ZNF418: variants seen among roughly 807,000 people sequenced by gnomAD.
ZNF418 encodes the protein zinc finger protein 418.
In ZNF418, 32 loss-of-function variants were observed where a neutral mutation model predicts 32.0. That is an observed-to-expected ratio of 1.00 (90% confidence interval 0.75 to 1.34). The LOEUF is 1.34. Among genes scored for constraint, ZNF418 ranks in the 40% most tolerant of loss-of-function variants. The pLI, the probability that ZNF418 is intolerant of heterozygous loss-of-function variation, is 0.00. For synonymous variants in ZNF418, 276 were observed against 270.7 expected (o/e 1.02, Z -0.19); for missense variants, 804 against 812.5 (o/e 0.99, Z 0.13).
chr19:57,930,497 G>A lies in ZNF418; in HGVS notation c.64C>T (p.Leu22Phe). The A allele has an allele frequency of 6.2e-7, 1 of 1,614,116 alleles. No homozygotes were observed. The highest frequency in any genetic ancestry group is 8.5e-7 in the Non-Finnish European group (1 of 1,180,022). Reference protein sequence around the residue: ...VNFSQEEWSLLSEVQRCLYHD... With the variant: ...VNFSQEEWSLFSEVQRCLYHD... ...TAAAGGCATCTCTGAACCTCACTAA[G>A]GAGACTCCACTCCTCCTGGGAAAAG... is the stretch of plus-strand genomic sequence containing the variant. Residue 22 changes from leucine (L) to phenylalanine (F), a missense_variant, in exon 3 of 6, where the codon CTT becomes TTT. Leu to Phe is a conservative substitution (Grantham distance 22). This residue lies in a region of ZNF418 where 307 missense variants were observed against 304.9 expected (regional missense o/e 1.01). Transcript: ENST00000396147.
chr19:57,935,057 G>A, intron 1 of ZNF418, 104 bp downstream of exon 1: 1 of 1,348,498 alleles, frequency 7.4e-7, no homozygotes, highest in Non-Finnish European at 9.6e-7. Context: ...TCAGTGTCCC[G>A]ACGCCGGGTC....
Position 57,925,923 on chromosome 19 carries a change from C to G in ZNF418, c.*227G>C, listed in dbSNP as rs2072198144. On this transcript the variant is annotated 3_prime_UTR_variant, in exon 4 of 6. Coordinates refer to ENST00000396147, the MANE Select transcript of ZNF418 (RefSeq NM_133460.3). ...TTTCCTGTACGTGTACAGTGTTTTC[C>G]TTATGAGAACAATCTGTTATCCAAT... The G allele has an allele frequency of 3.7e-6, 2 of 547,558 alleles. No homozygotes were observed. The highest frequency in any genetic ancestry group is 5.4e-5 in the South Asian group (2 of 37,284). 33.9% of individuals were successfully genotyped at this position (547,558 alleles called of 1,614,324 possible). A position where few individuals can be genotyped will look rare whatever the true frequency, so the allele number is the denominator to read the frequency against.
rs760193245 is a variant in ZNF418 at position 57,927,569 on chromosome 19, G to A, written c.612C>T (p.Ser204=). 6.2e-7 allele frequency: 1 copy of A among 1,614,112 alleles called. No homozygotes were observed. The highest frequency in any genetic ancestry group is 8.5e-7 in the Non-Finnish European group (1 of 1,180,052). The part of the protein sequence containing the change: ...SPFQWGDTHY[S]CGECMKHSST... ...TAGAATGTTTCATGCATTCTCCACA[G>A]CTGTAATGAGTATCTCCCCACTGAA... The change falls in exon 4 of 6, where the codon AGC becomes AGT. Residue 204 remains serine, a synonymous_variant. Transcript: ENST00000396147.
chr19:57,928,000 T>A lies in ZNF418; in HGVS notation c.181A>T (p.Ile61Phe). ...ACCTGAGACACTCTTTGTATAGAAA[T>A]GCTCTTCTTAGAAGGTGCCTCCTCA... ...EDEEAPSKKS[I>F]SIQRVSQVST... The change falls in exon 4 of 6, where the codon ATT becomes TTT. Residue 61 changes from isoleucine (I) to phenylalanine (F), a missense_variant. By Grantham distance (21) the Ile-to-Phe change is conservative (BLOSUM62 0). Transcript: ENST00000396147. 1 of 1,580,306 alleles carries A rather than the reference T, an allele frequency of 6.3e-7. No individual in the cohort carries two copies. Among genetic ancestry groups the A allele is most frequent in the Non-Finnish European group, 8.6e-7 (1 of 1,159,424 alleles).
Position 57,922,341 on chromosome 19 carries a change from A to G in ZNF418, c.*914T>C, listed in dbSNP as rs1278604938. On this transcript the variant is annotated 3_prime_UTR_variant, in exon 6 of 6. Coordinates refer to ENST00000396147, the MANE Select transcript of ZNF418 (RefSeq NM_133460.3). Reference sequence around the variant, plus strand: ...AGAGGGGAGGGTATGCAAAATAAAAATGTTAGAAAATGGGCCACACTTTAC... The same window carrying G: ...AGAGGGGAGGGTATGCAAAATAAAAGTGTTAGAAAATGGGCCACACTTTAC... The G allele has an allele frequency of 7.9e-6, 3 of 379,020 alleles. No homozygotes were observed. Among genetic ancestry groups the G allele is most frequent in the Admixed American group, 4.5e-5 (1 of 22,174 alleles). 23.5% of individuals were successfully genotyped at this position (379,020 alleles called of 1,614,324 possible).
Position 57,927,193 on chromosome 19 carries a change from T to C in ZNF418, c.988A>G (p.Ile330Val). The change falls in exon 4 of 6, where the codon ATT (isoleucine) becomes GTT (valine). Residue 330 changes from isoleucine to valine, a missense_variant. By Grantham distance (29) the Ile-to-Val change is conservative. Transcript: ENST00000396147. ...CCAGTGTGAACTCGTTGATGTTTAA[T>C]GAGAGTACCATTTTGACTAAAAGAT... ...GKSFSQNGTL[I>V]KHQRVHTGER... The C allele has an allele frequency of 9.3e-6, 15 of 1,613,918 alleles. No homozygotes were observed. Among genetic ancestry groups the C allele is most frequent in the Non-Finnish European group, 1.3e-5 (15 of 1,179,842 alleles).
rs2072222557 is a variant in ZNF418, at chr19:57,926,356, G to A, written c.1825C>T (p.His609Tyr). Residue 609 changes from histidine to tyrosine, a missense_variant, in exon 4 of 6, where the codon CAT becomes TAT. His to Tyr is a moderately conservative substitution (Grantham distance 83). This residue lies in a region of ZNF418 where 475 missense variants were observed against 458.6 expected (regional missense o/e 1.04). Transcript: ENST00000396147. ...TFTRRSAHFK[H>Y]QRLHTRGKPY... ...TTTCCTCGAGTATGAAGTCTCTGAT[G>A]TTTAAAATGCGCAGACCTTCGAGTA... 2 of 1,612,478 alleles carry A rather than the reference G, an allele frequency of 1.2e-6. No homozygotes were observed. The highest frequency in any genetic ancestry group is 2.7e-5 in the African/African-American group (2 of 74,852).
chr19:57,930,737 G>A (rs2072451508), intron 2 of ZNF418, among the ~76,000 whole-genome samples, 183 bp from the exon 3 acceptor site: 1 of 152,096 alleles, frequency 6.6e-6, no homozygotes, highest in Non-Finnish European at 1.5e-5. Flanking sequence ...ATAGCCATCA[G>A]CAATTAAGAA....
Position 57,923,889 on chromosome 19 carries a change from T to G in ZNF418, c.*528-600A>C, listed in dbSNP as rs950694919. 2.0e-5 allele frequency among the ~76,000 whole-genome samples: 3 copies of G among 151,970 alleles called. No individual in the cohort carries two copies. The East Asian group carries it at 5.8e-4, about 29-fold the overall frequency. ...CCGTGCCTGGCCACTTTCATGGGTT[T>G]CTATGAAAGTCTAAACTTACCACAT... On this transcript the variant is annotated intron_variant, in intron 4 of 5. Transcript: ENST00000396147.
At chr19:57,934,116 A>C in intron 1 of ZNF418, 1 of 1,359,712 alleles carries the variant, frequency 7.4e-7, no homozygotes, top group Non-Finnish European at 9.5e-7. Flanking sequence ...GTGTTCTCAG[A>C]TCAAAGGACT....
intron 1 of ZNF418, chr19:57,934,118 C>T (rs1410039234): frequency 7.4e-7 from 1 of 1,352,738 alleles, no homozygotes. Context: ...GTTCTCAGAT[C>T]AAAGGACTGA....
chr19:57,931,455 G>A (rs1410750969), intron 2 of ZNF418, among the ~76,000 whole-genome samples: 1 of 152,086 alleles, frequency 6.6e-6, no homozygotes, highest in Non-Finnish European at 1.5e-5. Flanking sequence ...ACCCACCTCG[G>A]CCTCCCATAG....
chr19:57,930,365 A>G, intron 3 of ZNF418, 63 bp downstream of exon 3: 3 of 1,611,312 alleles, frequency 1.9e-6, no homozygotes, highest in East Asian at 4.5e-5. Flanking sequence ...AGTCTTGCCA[A>G]TGGGAGAAAA....
chr19:57,924,103 T>C (rs867404398), intron 4 of ZNF418, among the ~76,000 whole-genome samples: 1 of 151,024 alleles, frequency 6.6e-6, no homozygotes, highest in Admixed American at 6.6e-5. Context: ...ATCTCGCCAC[T>C]GTACTCCAGC....
chr19:57,930,312 T>C (rs1260067069), intron 3 of ZNF418, 116 bp downstream of exon 3: 4 of 1,509,650 alleles, frequency 2.6e-6, no homozygotes, highest in Non-Finnish European at 3.7e-6. Context: ...CCCAGAGAAG[T>C]GGAGAAGGAA....
chr19:57,934,971 CG>C, intron 1 of ZNF418, 189 bp downstream of exon 1: 1 of 1,406,668 alleles, frequency 7.1e-7, no homozygotes, highest in South Asian at 1.3e-5. Flanking sequence ...CCATAGCCCG[CG>C]CCGGTCCCTG....
intron 4 of ZNF418, among the ~76,000 whole-genome samples, chr19:57,923,799 A>G (rs1397173974): frequency 6.6e-6 from 1 of 151,668 alleles, no homozygotes; most frequent in Non-Finnish European, 1.5e-5. Context: ...GATGGTCTCG[A>G]TCTCCTGACC....
intron 1 of ZNF418, 154 bp from the exon 2 acceptor site, chr19:57,934,056 C>G (rs1442281735): frequency 6.9e-7 from 1 of 1,446,472 alleles, no homozygotes; most frequent in Non-Finnish European, 9.1e-7. Context: ...GGGAATACCT[C>G]CATACATCCT....
chr19:57,925,323 T>A (rs988096301), intron 4 of ZNF418, among the ~76,000 whole-genome samples: 3 of 152,066 alleles, frequency 2.0e-5, no homozygotes, highest in African/African-American at 7.2e-5. Context: ...TAGCTGGGCA[T>A]GGTGGTGGGC....
Sources: allele counts gnomAD v4.1 joint callset (sites outside exome capture counted in the v4.1 genomes callset), GRCh38; gene constraint gnomAD v4.1.1; regional missense constraint gnomAD v4.1.1; transcripts MANE v1.5; gene names NCBI Gene and HGNC (gene_info 2026-07-23, HGNC 2026-07-21).